Variants in RPL28 observed in about 807,000 individuals in gnomAD.
The protein encoded by RPL28 is ribosomal protein L28, also known as large ribosomal subunit protein eL28.
A neutral mutation model predicts 12.5 loss-of-function variants in RPL28; 4 were observed. The ratio of observed to expected loss-of-function variants is 0.32; its 90% CI spans 0.16 to 0.73. RPL28 has a LOEUF of 0.73. RPL28 is among the 30% of genes least tolerant of loss of function. RPL28 has a pLI of 0.66. For synonymous variants in RPL28, 91 were observed against 72.5 expected (o/e 1.26, Z -1.30); for missense variants, 214 against 197.7 (o/e 1.08, Z -0.49).
chr19:55,392,047 T>C lies in RPL28; in HGVS notation c.*3715T>C, dbSNP rs758897450. ...AATGGTATCAATTCCCCTGTTTCTCTTGTAGCCAGTTACTAGAATAAAATC... is the reference window on the plus strand; with the variant it reads ...AATGGTATCAATTCCCCTGTTTCTCCTGTAGCCAGTTACTAGAATAAAATC... On this transcript the variant is annotated 3_prime_UTR_variant, in exon 5 of 5. Coordinates refer to ENST00000344063, the MANE Select transcript of RPL28 (RefSeq NM_000991.5). 6.2e-5 allele frequency: 65 copies of C among 1,043,426 alleles called. No homozygotes were observed. Among genetic ancestry groups the C allele is most frequent in the Non-Finnish European group, 7.3e-5 (63 of 867,922 alleles). The allele number at this position is 1,043,426 out of a possible 1,614,324, so 64.6% of individuals were successfully genotyped here.
Position 55,391,447 on chromosome 19 carries a change from A to G in RPL28, c.*3115A>G. On this transcript the variant is annotated 3_prime_UTR_variant, in exon 5 of 5. Transcript: ENST00000344063. Reference sequence around the variant, plus strand: ...CAGTAGCTGCATGGTGAGTGAGCGTAGGGCGCACCCTGGAAGGCTGCCAAG... The same window carrying G: ...CAGTAGCTGCATGGTGAGTGAGCGTGGGGCGCACCCTGGAAGGCTGCCAAG... 1 of 1,348,042 alleles carries G rather than the reference A, an allele frequency of 7.4e-7. No homozygotes were observed. Among genetic ancestry groups the G allele is most frequent in the Non-Finnish European group, 9.6e-7 (1 of 1,042,142 alleles). 83.5% of individuals were successfully genotyped at this position (1,348,042 alleles called of 1,614,324 possible). A position where few individuals can be genotyped will look rare whatever the true frequency, so the allele number is the denominator to read the frequency against.
Position 55,391,834 on chromosome 19 carries a change from A to T in RPL28, c.*3502A>T, listed in dbSNP as rs183415496. The T allele has an allele frequency of 7.1e-7, 1 of 1,398,772 alleles. No individual in the cohort carries two copies. Among genetic ancestry groups the T allele is most frequent in the East Asian group, 2.7e-5 (1 of 37,526 alleles). 86.6% of individuals were successfully genotyped at this position (1,398,772 alleles called of 1,614,324 possible). A position where few individuals can be genotyped will look rare whatever the true frequency, so the allele number is the denominator to read the frequency against. On this transcript the variant is annotated 3_prime_UTR_variant, in exon 5 of 5. Transcript: ENST00000344063. ...ACATGCCTATGACTAATTTGTACAC[A>T]AACTAATGCTCGTGTTTCCCAAGCA...
At chr19:55,397,327 G>A (rs984253275) in intron 4 of RPL28, among the ~76,000 whole-genome samples, 1 of 152,196 alleles carries the variant, frequency 6.6e-6, no homozygotes, top group Non-Finnish European at 1.5e-5. Flanking sequence ...GTGCTGTATG[G>A]TATTGTTTCT....
downstream of RPL28, among the ~76,000 whole-genome samples, chr19:55,393,634 T>G (rs941098464): frequency 5.5e-5 from 8 of 145,508 alleles, no homozygotes; most frequent in Non-Finnish European, 1.1e-4. Context: ...CCAATTTGTT[T>G]TTTTTTTTTT....
chr19:55,393,640 T>G (rs1247614152), downstream of RPL28, among the ~76,000 whole-genome samples: 6 of 148,912 alleles, frequency 4.0e-5, no homozygotes, highest in Admixed American at 1.3e-4. Flanking sequence ...TGTTTTTTTT[T>G]TTTTTTTTTT....
rs2089951702 is a variant in RPL28 at position 55,388,063 on chromosome 19, G to A, written c.324+15G>A. 1 of 1,613,706 alleles carries A rather than the reference G, an allele frequency of 6.2e-7. No homozygotes were observed. Among genetic ancestry groups the A allele is most frequent in the East Asian group, 2.2e-5 (1 of 44,838 alleles). On this transcript the variant is annotated intron_variant, in intron 4 of 4. Coordinates refer to ENST00000344063, the MANE Select transcript of RPL28 (RefSeq NM_000991.5). ...ACCTGCGCATGGTGAGCTGGGGTTTGGGGATCAGGCTTGGGGAGACTGGCC... is the reference window on the plus strand; with the variant it reads ...ACCTGCGCATGGTGAGCTGGGGTTTAGGGATCAGGCTTGGGGAGACTGGCC...
At chr19:55,402,857 C>T (rs1486341621) in intron 4 of RPL28, 8 of 1,141,362 alleles carry the variant, frequency 7.0e-6, no homozygotes, top group Non-Finnish European at 8.5e-6. Context: ...TCTCCCTCCC[C>T]ATGGCAGGAA....
chr19:55,401,097 C>T (rs112322456), intron 4 of RPL28: 105 of 329,674 alleles, frequency 3.2e-4, no homozygotes, highest in African/African-American at 2.2e-3. Context: ...GGGGTTGTGA[C>T]CGCTCTACCT....
At position 55,389,865 on chromosome 19, in the gene RPL28, C is replaced by T. The variant is rs2089973718; in HGVS notation, c.*1533C>T. On this transcript the variant is annotated 3_prime_UTR_variant, in exon 5 of 5. Transcript: ENST00000344063. The stretch of plus-strand genomic sequence containing the variant: ...TCAGGCCCACCTCCAGCTGGCCTCA[C>T]TCCGCTGGTGACTTCGTACCTGCTC... 1 of 985,348 alleles carries T rather than the reference C, an allele frequency of 1.0e-6. No homozygotes were observed. Among genetic ancestry groups the T allele is most frequent in the Admixed American group, 6.2e-5 (1 of 16,258 alleles). 61.0% of individuals were successfully genotyped at this position (985,348 alleles called of 1,614,324 possible). A position where few individuals can be genotyped will look rare whatever the true frequency, so the allele number is the denominator to read the frequency against.
At chr19:55,399,483 C>G (rs116654365) in intron 4 of RPL28, among the ~76,000 whole-genome samples, 2 of 152,108 alleles carry the variant, frequency 1.3e-5, no homozygotes, top group Non-Finnish European at 2.9e-5. Flanking sequence ...AGTGTTTTAA[C>G]GGAGGTTTCA....
In RPL28 at chr19:55,391,691, G is replaced by A; in HGVS notation, c.*3359G>A. On this transcript the variant is annotated 3_prime_UTR_variant, in exon 5 of 5. Transcript: ENST00000344063. ...ATAGACCCTACTACTCAGGGTTGAT[G>A]AGAAGATTAAATGTGCAAAACCTGC... 1.3e-6 allele frequency: 2 copies of A among 1,538,950 alleles called. No homozygotes were observed. Among genetic ancestry groups the A allele is most frequent in the Non-Finnish European group, 1.8e-6 (2 of 1,136,098 alleles).
chr19:55,386,208 A>G (rs1048013884), intron 1 of RPL28, 142 bp from the exon 2 acceptor site: 2 of 721,912 alleles, frequency 2.8e-6, no homozygotes, highest in African/African-American at 3.5e-5. Context: ...CAAGAGTTCT[A>G]GGTCGCTGTC....
intron 3 of RPL28, 41 bp downstream of exon 3, chr19:55,386,734 C>G: frequency 6.2e-7 from 1 of 1,612,306 alleles, no homozygotes; most frequent in Non-Finnish European, 8.5e-7. Flanking sequence ...GGCCCCTTTC[C>G]CGGGTCTGGG....
At chr19:55,395,672 T>C (rs1479005789), downstream of RPL28, among the ~76,000 whole-genome samples, 1 of 148,712 alleles carries the variant, frequency 6.7e-6, no homozygotes, top group South Asian at 2.2e-4. Context: ...CTCAATCTCC[T>C]GACCTTGTGA....
rs11540468 is a variant in RPL28, at chr19:55,388,316, C to G, written c.398C>G (p.Pro133Arg). 6.4e-7 allele frequency: 1 copy of G among 1,574,618 alleles called. No individual in the cohort carries two copies. The highest frequency in any genetic ancestry group is 8.6e-7 in the Non-Finnish European group (1 of 1,161,982). The change falls in exon 5 of 5, where the codon CCC becomes CGC. Residue 133 changes from proline to arginine, a missense_variant. Coordinates refer to ENST00000344063, the MANE Select transcript of RPL28 (RefSeq NM_000991.5). ...ATGGTGAAGAGGAAGCGGACCCGCCCCACCAAGAGCTCCTGAGCCCCCTGC... is the reference window on the plus strand; with the variant it reads ...ATGGTGAAGAGGAAGCGGACCCGCCGCACCAAGAGCTCCTGAGCCCCCTGC... ...PVMVKRKRTR[P>R]TKSS
chr19:55,394,472 G>T (rs1804814990), downstream of RPL28, among the ~76,000 whole-genome samples: 1 of 152,038 alleles, frequency 6.6e-6, no homozygotes, highest in Non-Finnish European at 1.5e-5. Context: ...TGTTACCCAG[G>T]TTGGGCTTGA....
chr19:55,401,841 GCA>G, intron 4 of RPL28: 2 of 1,475,952 alleles, frequency 1.4e-6, no homozygotes, highest in South Asian at 1.2e-5. Flanking sequence ...GGTGGCCTCC[GCA>G]CTGGCTGTTC....
At chr19:55,387,333 T>A in intron 3 of RPL28, 1 of 1,551,626 alleles carries the variant, frequency 6.4e-7, no homozygotes, top group Non-Finnish European at 8.7e-7. Flanking sequence ...GAGCCAAGGG[T>A]CCTTTTACTC....
At chr19:55,399,024 C>G (rs10425929) in intron 4 of RPL28, among the ~76,000 whole-genome samples, 108,226 of 152,040 alleles carry the variant, frequency 0.71, 40,201 homozygotes, top group African/African-American at 0.9. Flanking sequence ...GTCTCCCTCT[C>G]TCACCCAGGC....
Sources: allele counts gnomAD v4.1 joint callset (sites outside exome capture counted in the v4.1 genomes callset), GRCh38; gene constraint gnomAD v4.1.1; transcripts MANE v1.5; gene names NCBI Gene and HGNC (gene_info 2026-07-23, HGNC 2026-07-21).